The following FZD6 variants were observed in gnomAD, a reference collection of about 807,000 sequenced individuals.
The protein encoded by FZD6 is frizzled-6.
A neutral mutation model predicts 61.4 loss-of-function variants in FZD6; 49 were observed. That is an observed-to-expected ratio of 0.80 (90% CI 0.63 to 1.01). The LOEUF (loss-of-function observed/expected upper bound fraction) is 1.01. Ranked by LOEUF, FZD6 falls within the 50% of genes least tolerant of loss-of-function variation. The probability of loss-of-function intolerance (pLI) is 0.00; values close to 1 mark genes in which losing one functional copy is unlikely to be tolerated. For missense variants in FZD6, 724 were observed against 848.2 expected (o/e 0.85, Z 1.82); for synonymous variants, 265 against 292.2 (o/e 0.91, Z 0.95).
At chr8:103,302,336 T>C (rs1387037482) in intron 2 of FZD6, among the ~76,000 whole-genome samples, 2 of 152,156 alleles carry the variant, frequency 1.3e-5, no homozygotes, top group Middle Eastern at 3.2e-3. Flanking sequence ...TAAGTGACCC[T>C]AAAGATCATA....
At chr8:103,309,831 C>T (rs1189620846) in intron 2 of FZD6, among the ~76,000 whole-genome samples, 1 of 152,164 alleles carries the variant, frequency 6.6e-6, no homozygotes, top group Non-Finnish European at 1.5e-5. Context: ...TATGTCTTAG[C>T]CCCATCTAAA....
chr8:103,330,004 G>C lies in FZD6; in HGVS notation c.1891G>C (p.Glu631Gln), dbSNP rs1164898443. 1 of 1,614,148 alleles carries C rather than the reference G, an allele frequency of 6.2e-7. No individual in the cohort carries two copies. The highest frequency in any genetic ancestry group is 8.5e-7 in the Non-Finnish European group (1 of 1,179,972). The change falls in exon 6 of 7, where the codon GAA becomes CAA. Residue 631 changes from glutamate (E) to glutamine (Q), a missense_variant. Physicochemically the swap from Glu to Gln is conservative, Grantham distance 29. Transcript: ENST00000358755. Reference protein sequence around the residue: ...PAASISRLSGEQVDGKGQAGS... With the variant: ...PAASISRLSGQQVDGKGQAGS... ...AGCATCCATCTCCAGACTCTCTGGG[G>C]AACAGGTCGACGGGAAGGGCCAGGC...
At position 103,329,013 on chromosome 8, in the gene FZD6, T is replaced by TTTTATATATATATATATATATATATATA. The variant is rs143400765; in HGVS notation, c.1541+598_1541+599insTTATATATATATATATATATATATATAT. Among the ~76,000 whole-genome samples, 44 of 115,170 alleles carry TTTTATATATATATATATATATATATATA rather than the reference T, an allele frequency of 3.8e-4. 2 individuals are homozygous for TTTTATATATATATATATATATATATATA. The highest frequency in any genetic ancestry group is 1.0e-3 in the African/African-American group (35 of 33,912). The allele number at this position is 115,170 out of a possible 152,430, so 75.6% of individuals were successfully genotyped here. ...TATTTATGAGTAATTCATTTTAGTTTTATATATATATATATATATGCACAC... is the reference window on the plus strand; with the variant it reads ...TATTTATGAGTAATTCATTTTAGTTTTTTATATATATATATATATATATATATATATATATATATATATATATGCACAC... On this transcript the variant is annotated intron_variant, in intron 5 of 6. Coordinates refer to ENST00000358755, the MANE Select transcript of FZD6 (RefSeq NM_003506.4).
intron 4 of FZD6, 51 bp from the exon 5 acceptor site, chr8:103,328,217 T>C: frequency 2.2e-6 from 3 of 1,390,348 alleles, no homozygotes; most frequent in Non-Finnish European, 3.1e-6. Context: ...ATAGACTTCT[T>C]TCCACTTTAA....
intron 5 of FZD6, among the ~76,000 whole-genome samples, chr8:103,329,442 G>A (rs950343393): frequency 6.6e-6 from 1 of 151,842 alleles, no homozygotes; most frequent in Admixed American, 6.6e-5. Flanking sequence ...TATTTATACT[G>A]ACAAAAGCAA....
At position 103,332,044 on chromosome 8, in the gene FZD6, T is replaced by C. The variant is rs1159326309; in HGVS notation, c.*535T>C. The C allele has an allele frequency of 2.0e-5, 3 of 153,546 alleles. No homozygotes were observed. Among genetic ancestry groups the C allele is most frequent in the Non-Finnish European group, 2.9e-5 (2 of 68,982 alleles). 9.5% of individuals were successfully genotyped at this position (153,546 alleles called of 1,614,324 possible). ...AGAAAATTGTAAAATAGTCTTCTTTTATACTGTAAAAAAAGATATACCAAA... is the reference window on the plus strand; with the variant it reads ...AGAAAATTGTAAAATAGTCTTCTTTCATACTGTAAAAAAAGATATACCAAA... On this transcript the variant is annotated 3_prime_UTR_variant, in exon 7 of 7. Transcript: ENST00000358755.
chr8:103,312,281 T>A (rs1448298274), intron 2 of FZD6, among the ~76,000 whole-genome samples: 1 of 152,232 alleles, frequency 6.6e-6, no homozygotes, highest in Admixed American at 6.5e-5. Context: ...AATGGTAGAA[T>A]CTCAGAACCA....
chr8:103,329,904 G>A lies in FZD6; in HGVS notation c.1791G>A (p.Met597Ile), dbSNP rs1815072701. The A allele has an allele frequency of 3.1e-6, 5 of 1,614,112 alleles. 1 individual carries two copies. The highest frequency in any genetic ancestry group is 3.3e-4 in the Middle Eastern group (2 of 6,062). The change falls in exon 6 of 7, where the codon ATG becomes ATA. Residue 597 changes from methionine (M) to isoleucine (I), a missense_variant. Transcript: ENST00000358755. ...TEIQTSPETS[M>I]REVKADGAST... The stretch of plus-strand genomic sequence containing the variant: ...TCCAAACCTCACCAGAAACATCAAT[G>A]AGAGAGGTGAAAGCGGACGGAGCTA...
chr8:103,310,413 G>A (rs1814461158), intron 2 of FZD6, among the ~76,000 whole-genome samples: 2 of 152,096 alleles, frequency 1.3e-5, no homozygotes, highest in African/African-American at 4.8e-5. Context: ...GGGACTGTAG[G>A]GCTGTGTGCA....
intron 2 of FZD6, among the ~76,000 whole-genome samples, chr8:103,303,912 G>C (rs1489354467): frequency 4.6e-5 from 6 of 130,520 alleles, no homozygotes; most frequent in Non-Finnish European, 9.6e-5. Flanking sequence ...TGGATTATAA[G>C]CTATATGAGT....
At chr8:103,315,735 T>C (rs1353368821) in intron 2 of FZD6, among the ~76,000 whole-genome samples, 1 of 152,168 alleles carries the variant, frequency 6.6e-6, no homozygotes, top group African/African-American at 2.4e-5. Flanking sequence ...ATTGTACACT[T>C]TATACATGTT....
rs1258611820 is a variant in FZD6, at chr8:103,310,490, C to T, written c.178-8100C>T. Among the ~76,000 whole-genome samples the T allele has an allele frequency of 3.3e-5, 5 of 152,182 alleles. No homozygotes were observed. The East Asian group carries it at 9.7e-4, about 29-fold the overall frequency. On this transcript the variant is annotated intron_variant, in intron 2 of 6. Transcript: ENST00000358755. ...ATGTTGCCCCGGCTGGTCTCGACCT[C>T]CTGGCATAAACCAGTCCTTCCACCT...
chr8:103,312,408 G>GGTGAGTATTA (rs1168138474), intron 2 of FZD6, among the ~76,000 whole-genome samples: 1 of 152,150 alleles, frequency 6.6e-6, no homozygotes, highest in Non-Finnish European at 1.5e-5. Flanking sequence ...TGTCACTAAA[G>GGTGAGTATTA]GTGAGTAAAA....
At position 103,329,939 on chromosome 8, in the gene FZD6, G is replaced by A. The variant is rs143153183; in HGVS notation, c.1826G>A (p.Arg609Lys). 8 of 1,614,182 alleles carry A rather than the reference G, an allele frequency of 5.0e-6. No homozygotes were observed. The highest frequency in any genetic ancestry group is 1.1e-5 in the South Asian group (1 of 91,082). Residue 609 changes from arginine to lysine, a missense_variant, in exon 6 of 7, where the codon AGG (arginine) becomes AAG (lysine). By Grantham distance (26) the Arg-to-Lys change is conservative (BLOSUM62 2). Transcript: ENST00000358755. ...AAAGCGGACGGAGCTAGCACCCCCA[G>A]GTTAAGAGAACAGGACTGTGGTGAA... ...EVKADGASTP[R>K]LREQDCGEPA... is the part of the protein sequence containing the mutation.
At chr8:103,299,650 C>T (rs1814093698) in intron 1 of FZD6, among the ~76,000 whole-genome samples, 1 of 152,176 alleles carries the variant, frequency 6.6e-6, no homozygotes, top group Non-Finnish European at 1.5e-5. Flanking sequence ...TTATATTAAT[C>T]CTTTATAATT....
chr8:103,316,596 A>G (rs1814631823), intron 2 of FZD6, among the ~76,000 whole-genome samples: 1 of 152,234 alleles, frequency 6.6e-6, no homozygotes, highest in Non-Finnish European at 1.5e-5. Context: ...AGTGCCAAAA[A>G]TGTCAGTAGT....
intron 2 of FZD6, among the ~76,000 whole-genome samples, chr8:103,316,784 C>T (rs904054706): frequency 6.6e-6 from 1 of 152,112 alleles, no homozygotes; most frequent in Non-Finnish European, 1.5e-5. Flanking sequence ...ATGACCTTCT[C>T]TTTGTCTTGA....
chr8:103,316,232 A>G (rs1814623108), intron 2 of FZD6, among the ~76,000 whole-genome samples: 1 of 152,158 alleles, frequency 6.6e-6, no homozygotes, highest in Non-Finnish European at 1.5e-5. Context: ...ATGTCTGACT[A>G]TTTTTAGATA....
intron 2 of FZD6, among the ~76,000 whole-genome samples, chr8:103,314,728 T>C (rs1365943974): frequency 6.6e-6 from 1 of 152,232 alleles, no homozygotes; most frequent in African/African-American, 2.4e-5. Flanking sequence ...GACTTGTTAA[T>C]TGTAGTCTGT....
Sources: gnomAD v4.1 joint callset for allele counts (sites outside exome capture counted in the v4.1 genomes callset) on GRCh38, gnomAD v4.1.1 for gene constraint, MANE v1.5 for transcripts, NCBI Gene and HGNC (gene_info 2026-07-23, HGNC 2026-07-21) for gene names.